RSPH14: variants seen among roughly 807,000 people sequenced by gnomAD.
RSPH14 encodes rhabdoid tumor deletion region gene 1.
Under a neutral mutation model 26.7 loss-of-function variants are expected in RSPH14, and 20 were observed. That is an observed-to-expected ratio of 0.75 (90% CI 0.53 to 1.09). The LOEUF (loss-of-function observed/expected upper bound fraction) is 1.09, where lower values mean the gene tolerates loss of function less well. Ranked by LOEUF, RSPH14 falls within the 50% of genes least tolerant of loss-of-function variation. RSPH14 has a pLI of 0.00. For missense variants in RSPH14, 449 were observed against 457.2 expected, an observed-to-expected ratio of 0.98 and a Z score of 0.16; for synonymous variants, 177 against 189.3, an observed-to-expected ratio of 0.93 and a Z score of 0.53.
At chr22:23,093,638 C>T (rs1264719340) in intron 4 of RSPH14, among the ~76,000 whole-genome samples, 3 of 152,238 alleles carry the variant, frequency 2.0e-5, no homozygotes, top group African/African-American at 7.2e-5. Flanking sequence ...ACGCTTTACT[C>T]TTCACAGATA....
At chr22:23,096,132 A>C in intron 4 of RSPH14, 2 of 1,612,482 alleles carry the variant, frequency 1.2e-6, no homozygotes, top group Non-Finnish European at 1.7e-6. Flanking sequence ...CGCTCCAGCG[A>C]GTACCACCTG....
In RSPH14 at chr22:23,123,493, G is replaced by C. The variant is rs944337808; in HGVS notation, c.421+10533C>G. On this transcript the variant is annotated intron_variant, in intron 4 of 6. Coordinates refer to ENST00000216036, the MANE Select transcript of RSPH14 (RefSeq NM_014433.3). ...CCCACGGGGTGTCATGCCCCAACGC[G>C]TGCTAGAGAGGCCCAATCCAGGGGC... is the stretch of plus-strand genomic sequence containing the variant. 19 of 1,093,718 alleles carry C rather than the reference G, an allele frequency of 1.7e-5. No individual in the cohort carries two copies. In the African/African-American group the frequency reaches 2.7e-4, roughly 15 times the overall value. The allele number at this position is 1,093,718 out of a possible 1,614,324, so 67.8% of individuals were successfully genotyped here.
At chr22:23,166,621 TG>T in the RSPH14 span, among the ~76,000 whole-genome samples, 3 of 152,206 alleles carry the variant, frequency 2.0e-5, no homozygotes, top group African/African-American at 7.2e-5. Flanking sequence ...GTGGCCTTGG[TG>T]GTCTGCCTTG....
At chr22:23,079,871 C>T (rs556989215) in intron 4 of RSPH14, among the ~76,000 whole-genome samples, 1 of 152,300 alleles carries the variant, frequency 6.6e-6, no homozygotes, top group African/African-American at 2.4e-5. Flanking sequence ...ATGTAGTGGA[C>T]ACCACTCATG....
chr22:23,095,253 G>A (rs1601790906), intron 4 of RSPH14: 1 of 184,662 alleles, frequency 5.4e-6, no homozygotes, highest in East Asian at 1.5e-4. Context: ...GCAGGTGAAG[G>A]GCTGGATGCA....
At chr22:23,120,442 C>G (rs922364002) in intron 4 of RSPH14, among the ~76,000 whole-genome samples, 1 of 152,172 alleles carries the variant, frequency 6.6e-6, no homozygotes, top group Non-Finnish European at 1.5e-5. Context: ...TGCAGAGGAC[C>G]AGTCTGGTTT....
intron 4 of RSPH14, among the ~76,000 whole-genome samples, chr22:23,102,767 C>G (rs976519749): frequency 1.2e-4 from 18 of 152,234 alleles, no homozygotes; most frequent in African/African-American, 4.3e-4. Context: ...TGTCACTGAA[C>G]ACAGCAGTGC....
chr22:23,177,136 C>T, the RSPH14 span, among the ~76,000 whole-genome samples: 1 of 152,210 alleles, frequency 6.6e-6, no homozygotes, highest in Non-Finnish European at 1.5e-5. Context: ...CTGCCTACAC[C>T]AGCCTCATCT....
At chr22:23,065,943 A>G (rs2068201605) in intron 4 of RSPH14, among the ~76,000 whole-genome samples, 1 of 152,064 alleles carries the variant, frequency 6.6e-6, no homozygotes, top group Admixed American at 6.6e-5. Context: ...TCTCTCTCGC[A>G]GCTCCCTGCT....
intron 4 of RSPH14, chr22:23,123,035 C>A: frequency 8.2e-7 from 1 of 1,222,698 alleles, no homozygotes; most frequent in South Asian, 1.3e-5. Flanking sequence ...GGTCTAGGGT[C>A]TGTCTCTGCC....
chr22:23,075,077 G>A (rs1188299787), intron 4 of RSPH14, among the ~76,000 whole-genome samples: 1 of 152,172 alleles, frequency 6.6e-6, no homozygotes, highest in Non-Finnish European at 1.5e-5. Context: ...GCCCAAGTGA[G>A]TGCCCAGGAA....
chr22:23,116,665 G>A (rs912817051), intron 4 of RSPH14, among the ~76,000 whole-genome samples: 7 of 152,188 alleles, frequency 4.6e-5, no homozygotes, highest in Non-Finnish European at 1.0e-4. Flanking sequence ...ATGGACTGGA[G>A]GTCAGAACGT....
At chr22:23,161,360 T>A in the RSPH14 span, 1 of 823,626 alleles carries the variant, frequency 1.2e-6, no homozygotes, top group Non-Finnish European at 2.0e-6. Flanking sequence ...CTCTCTTGGC[T>A]TGTGTCAGGC....
chr22:23,156,005 G>T, the RSPH14 span: 1 of 1,612,758 alleles, frequency 6.2e-7, no homozygotes, highest in South Asian at 1.1e-5. Flanking sequence ...CAAGTGCATC[G>T]CATCTGCCTA....
intron 4 of RSPH14, chr22:23,095,963 G>T (rs780469417): frequency 6.2e-7 from 1 of 1,611,794 alleles, no homozygotes; most frequent in East Asian, 2.2e-5. Flanking sequence ...GGCCCTGGCC[G>T]CCCTCAGGAT....
In RSPH14 at chr22:23,096,476, C is replaced by A. The variant is rs554311232; in HGVS notation, c.422-32343G>T. 1.4e-5 allele frequency: 22 copies of A among 1,532,330 alleles called. No homozygotes were observed. In the East Asian group the frequency reaches 4.3e-4, roughly 30 times the overall value. 94.9% of individuals were successfully genotyped at this position (1,532,330 alleles called of 1,614,324 possible). A position where few individuals can be genotyped will look rare whatever the true frequency, so the allele number is the denominator to read the frequency against. On this transcript the variant is annotated intron_variant, in intron 4 of 6. Coordinates refer to ENST00000216036, the MANE Select transcript of RSPH14 (RefSeq NM_014433.3). Reference sequence around the variant, plus strand: ...TCCTGCTGTCGTGGGTTCCTGGAAGCAAGAGGACTCGTGAGGTCCAGGACA... The same window carrying A: ...TCCTGCTGTCGTGGGTTCCTGGAAGAAAGAGGACTCGTGAGGTCCAGGACA...
chr22:23,129,585 C>A (rs2070258319), intron 4 of RSPH14, among the ~76,000 whole-genome samples: 1 of 151,332 alleles, frequency 6.6e-6, no homozygotes, highest in Non-Finnish European at 1.5e-5. Context: ...AAAAAAAGGC[C>A]AGAGGGAAAA....
the RSPH14 span, among the ~76,000 whole-genome samples, chr22:23,174,611 A>T: frequency 6.6e-6 from 1 of 151,744 alleles, no homozygotes; most frequent in Non-Finnish European, 1.5e-5. Flanking sequence ...AGATGTCAAC[A>T]CTCATCAAAT....
chr22:23,123,524 A>G lies in RSPH14; in HGVS notation c.421+10502T>C, dbSNP rs2070091071. On this transcript the variant is annotated intron_variant, in intron 4 of 6. Coordinates refer to ENST00000216036, the MANE Select transcript of RSPH14 (RefSeq NM_014433.3). ...GAGAGGCCCAATCCAGGGGCAGAAA[A>G]CAGGGGGCCTAAAGAATGTCCCCCA... The G allele has an allele frequency of 8.0e-6, 6 of 748,554 alleles. No homozygotes were observed. The East Asian group carries it at 1.3e-4, about 17-fold the overall frequency. 46.4% of individuals were successfully genotyped at this position (748,554 alleles called of 1,614,324 possible). A position where few individuals can be genotyped will look rare whatever the true frequency, so the allele number is the denominator to read the frequency against.
Sources: allele counts gnomAD v4.1 joint callset (sites outside exome capture counted in the v4.1 genomes callset), GRCh38; gene constraint gnomAD v4.1.1; transcripts MANE v1.5; gene names NCBI Gene and HGNC (gene_info 2026-07-23, HGNC 2026-07-21).